GRIA1: variants seen among roughly 807,000 people sequenced by gnomAD.
GRIA1 encodes glutamate ionotropic receptor AMPA type subunit 1.
GRIA1 carries 31 observed loss-of-function variants against 99.2 expected under a neutral mutation model. The ratio of observed to expected loss-of-function variants is 0.31; its 90% CI spans 0.23 to 0.42. The LOEUF is 0.42. Ranked by LOEUF, GRIA1 falls within the 10% of genes least tolerant of loss-of-function variation. GRIA1 has a pLI of 1.00. For synonymous variants in GRIA1, 438 were observed against 432.4 expected (o/e 1.01, Z -0.16); for missense variants, 782 against 1,157.5 (o/e 0.68, Z 4.71).
At chr5:153,787,199 C>G (rs1002124568) in intron 13 of GRIA1, among the ~76,000 whole-genome samples, 8 of 152,110 alleles carry the variant, frequency 5.3e-5, no homozygotes, top group African/African-American at 1.9e-4. Flanking sequence ...TATATTGGAC[C>G]TTAATGTGCA....
intron 5 of GRIA1, among the ~76,000 whole-genome samples, chr5:153,672,083 G>C (rs934144326): frequency 2.0e-5 from 3 of 152,188 alleles, no homozygotes; most frequent in Admixed American, 2.0e-4. Flanking sequence ...AGGGAAGTCT[G>C]CCTACAAAGT....
At chr5:153,726,186 A>C (rs567123403) in intron 11 of GRIA1, among the ~76,000 whole-genome samples, 1 of 151,870 alleles carries the variant, frequency 6.6e-6, no homozygotes, top group East Asian at 1.9e-4. Context: ...TGTTCTTTGA[A>C]ACCAACGAGA....
chr5:153,807,692 T>C (rs1401227908), intron 15 of GRIA1, among the ~76,000 whole-genome samples: 1 of 152,180 alleles, frequency 6.6e-6, no homozygotes, highest in Non-Finnish European at 1.5e-5. Flanking sequence ...ATTCAAATTG[T>C]CATACAACAG....
At chr5:153,632,640 C>T (rs995828432) in intron 2 of GRIA1, among the ~76,000 whole-genome samples, 4 of 152,032 alleles carry the variant, frequency 2.6e-5, no homozygotes, top group African/African-American at 7.2e-5. Flanking sequence ...ATCCTCACGG[C>T]GCATAAGGCA....
chr5:153,652,697 C>T (rs1754663633), intron 4 of GRIA1, among the ~76,000 whole-genome samples: 1 of 152,168 alleles, frequency 6.6e-6, no homozygotes, highest in African/African-American at 2.4e-5. Context: ...TTTCATTCAT[C>T]TATTTTGAAA....
Position 153,701,619 on chromosome 5 carries a change from C to CAAAAAAAAAAAAAAAAAAAAAAAAAAA in GRIA1, c.1452+2569_1452+2570insAAAAAAAAAAAAAAAAAAAAAAAAAAA, listed in dbSNP as rs70978504. On this transcript the variant is annotated intron_variant, in intron 10 of 15. Coordinates refer to ENST00000285900, the MANE Select transcript of GRIA1 (RefSeq NM_000827.4). Reference sequence around the variant, plus strand: ...CTGGGCGACAAAGCGAGACCCGTCTCAAAAAAAAAAAAAAAAAAAAAAATA... The same window carrying CAAAAAAAAAAAAAAAAAAAAAAAAAAA: ...CTGGGCGACAAAGCGAGACCCGTCTCAAAAAAAAAAAAAAAAAAAAAAAAAAAAAAAAAAAAAAAAAAAAAAAAAATA... Among the ~76,000 whole-genome samples, 130 of 39,386 alleles carry CAAAAAAAAAAAAAAAAAAAAAAAAAAA rather than the reference C, an allele frequency of 3.3e-3. 21 individuals are homozygous for CAAAAAAAAAAAAAAAAAAAAAAAAAAA. The highest frequency in any genetic ancestry group is 7.4e-3 in the East Asian group (4 of 538). 25.8% of individuals were successfully genotyped at this position (39,386 alleles called of 152,430 possible). A position where few individuals can be genotyped will look rare whatever the true frequency, so the allele number is the denominator to read the frequency against.
chr5:153,561,955 T>C (rs1009917493), intron 2 of GRIA1, among the ~76,000 whole-genome samples: 1 of 152,164 alleles, frequency 6.6e-6, no homozygotes, highest in Non-Finnish European at 1.5e-5. Context: ...AACAGCTGAG[T>C]TAAAGCAAAG....
chr5:153,691,984 C>T (rs1157561001), intron 8 of GRIA1, among the ~76,000 whole-genome samples: 1 of 152,206 alleles, frequency 6.6e-6, no homozygotes, highest in Non-Finnish European at 1.5e-5. Context: ...TGCTGCTTCC[C>T]TGTGGCATCA....
intron 11 of GRIA1, among the ~76,000 whole-genome samples, chr5:153,757,559 A>G (rs7720382): frequency 0.018 from 2,768 of 152,344 alleles, 24 homozygotes; most frequent in African/African-American, 0.036. Context: ...AAAAGAAGCA[A>G]ATAACATGTA....
intron 4 of GRIA1, among the ~76,000 whole-genome samples, chr5:153,654,882 G>A (rs1289680362): frequency 6.6e-6 from 1 of 152,122 alleles, no homozygotes; most frequent in Non-Finnish European, 1.5e-5. Context: ...CTAAAACCAA[G>A]GTCTGTAGTC....
chr5:153,726,400 C>T (rs899043598), intron 11 of GRIA1, among the ~76,000 whole-genome samples: 1 of 147,974 alleles, frequency 6.8e-6, no homozygotes, highest in Non-Finnish European at 1.5e-5. Flanking sequence ...CAGAGCAGAA[C>T]TGAAGGAAAT....
intron 2 of GRIA1, among the ~76,000 whole-genome samples, chr5:153,617,976 A>G (rs957959540): frequency 2.6e-5 from 4 of 152,186 alleles, no homozygotes; most frequent in African/African-American, 7.2e-5. Flanking sequence ...ACTTTCTATT[A>G]TGATCATTAA....
At chr5:153,571,280 G>T (rs1246406885) in intron 2 of GRIA1, among the ~76,000 whole-genome samples, 1 of 152,164 alleles carries the variant, frequency 6.6e-6, no homozygotes, top group African/African-American at 2.4e-5. Context: ...ATTTGTCCAT[G>T]ATGGGGACAT....
At chr5:153,724,294 G>GAA (rs545221023) in intron 11 of GRIA1, among the ~76,000 whole-genome samples, 1 of 150,760 alleles carries the variant, frequency 6.6e-6, no homozygotes, top group East Asian at 2.0e-4. Context: ...CAAAGATGGG[G>GAA]AAAAAAACAG....
At position 153,523,016 on chromosome 5, in the gene GRIA1, ATCTCTC is replaced by A. The variant is rs61177262; in HGVS notation, c.220+28976_220+28981del. Among the ~76,000 whole-genome samples the A allele has an allele frequency of 7.1e-5, 10 of 141,660 alleles. 1 individual carries two copies. The highest frequency in any genetic ancestry group is 2.1e-4 in the East Asian group (1 of 4,780). The allele number at this position is 141,660 out of a possible 152,430, so 92.9% of individuals were successfully genotyped here. A position where few individuals can be genotyped will look rare whatever the true frequency, so the allele number is the denominator to read the frequency against. ...TCCACCTGATTCTCTTGTTCCTGAT[ATCTCTC>A]TCTCTCTCTCTCTCTCTCTCTCTCA... On this transcript the variant is annotated intron_variant, in intron 2 of 15. Coordinates refer to ENST00000285900, the MANE Select transcript of GRIA1 (RefSeq NM_000827.4).
chr5:153,611,837 T>G (rs1766016532), intron 2 of GRIA1, among the ~76,000 whole-genome samples: 1 of 152,372 alleles, frequency 6.6e-6, no homozygotes, highest in East Asian at 1.9e-4. Flanking sequence ...TCTCACCGGC[T>G]CATTTGTTCA....
At chr5:153,595,639 G>A (rs1009031880) in intron 2 of GRIA1, among the ~76,000 whole-genome samples, 1 of 151,044 alleles carries the variant, frequency 6.6e-6, no homozygotes, top group African/African-American at 2.4e-5. Flanking sequence ...TTATACTTTG[G>A]GTTATAATTC....
intron 2 of GRIA1, among the ~76,000 whole-genome samples, chr5:153,506,557 C>T (rs1473070614): frequency 2.0e-5 from 3 of 152,012 alleles, no homozygotes; most frequent in Non-Finnish European, 4.4e-5. Flanking sequence ...AAGGAGTCTC[C>T]CTTGAGCAAG....
chr5:153,741,732 T>C (rs1761803999), intron 11 of GRIA1, among the ~76,000 whole-genome samples: 1 of 151,912 alleles, frequency 6.6e-6, no homozygotes, highest in African/African-American at 2.4e-5. Flanking sequence ...AGTGGAATGG[T>C]GGTTGCCAGG....
Sources: gnomAD v4.1 joint callset for allele counts (sites outside exome capture counted in the v4.1 genomes callset) on GRCh38, gnomAD v4.1.1 for gene constraint, MANE v1.5 for transcripts, NCBI Gene and HGNC (gene_info 2026-07-23, HGNC 2026-07-21) for gene names.